UVRAG: variants seen among roughly 807,000 people sequenced by gnomAD.
UVRAG encodes the protein UV radiation resistance-associated gene protein.
In UVRAG, 19 loss-of-function variants were observed where a neutral mutation model predicts 78.0. The ratio of observed to expected loss-of-function variants is 0.24; its 90% CI spans 0.17 to 0.36. The LOEUF is 0.36. Among genes scored for constraint, UVRAG ranks in the 10% least tolerant of loss-of-function variants. The pLI, the probability that UVRAG is intolerant of heterozygous loss-of-function variation, is 1.00. For synonymous variants in UVRAG, 323 were observed against 324.6 expected, an observed-to-expected ratio of 1.00 and a Z score of 0.05; for missense variants, 740 against 853.8, an observed-to-expected ratio of 0.87 and a Z score of 1.66.
chr11:75,975,362 T>C (rs967644061), intron 7 of UVRAG, among the ~76,000 whole-genome samples: 2 of 152,180 alleles, frequency 1.3e-5, no homozygotes, highest in Non-Finnish European at 2.9e-5. Flanking sequence ...CTTTTTTGGT[T>C]CCATATGAAC....
intron 5 of UVRAG, among the ~76,000 whole-genome samples, chr11:75,890,961 TG>T (rs1382503561): frequency 6.6e-6 from 1 of 152,158 alleles, no homozygotes; most frequent in Non-Finnish European, 1.5e-5. Context: ...TTTGTCTTTT[TG>T]CTTGTTTTTT....
At chr11:75,948,269 T>C (rs529369206) in intron 6 of UVRAG, among the ~76,000 whole-genome samples, 1 of 152,282 alleles carries the variant, frequency 6.6e-6, no homozygotes, top group African/African-American at 2.4e-5. Flanking sequence ...AGGACGCTAT[T>C]GAAATCTGTG....
At chr11:76,025,529 A>G (rs531788794) in intron 12 of UVRAG, among the ~76,000 whole-genome samples, 117 of 152,258 alleles carry the variant, frequency 7.7e-4, no homozygotes, top group African/African-American at 2.7e-3. Flanking sequence ...ATACTTTTAT[A>G]AATCTCTAAA....
intron 5 of UVRAG, among the ~76,000 whole-genome samples, chr11:75,889,433 G>C (rs910106858): frequency 5.9e-5 from 9 of 152,188 alleles, no homozygotes; most frequent in Non-Finnish European, 8.8e-5. Flanking sequence ...AACCAATGTG[G>C]TTTGTTTTGT....
chr11:76,029,245 A>T (rs1309979652), intron 12 of UVRAG, among the ~76,000 whole-genome samples: 1 of 152,200 alleles, frequency 6.6e-6, no homozygotes, highest in East Asian at 1.9e-4. Flanking sequence ...ATTACTGTTC[A>T]TTGAAAACAC....
At chr11:75,928,070 C>T (rs1948152583) in intron 6 of UVRAG, among the ~76,000 whole-genome samples, 1 of 151,950 alleles carries the variant, frequency 6.6e-6, no homozygotes, top group Non-Finnish European at 1.5e-5. Flanking sequence ...CCACTACACT[C>T]TAGTCTGGCC....
chr11:75,987,424 T>A (rs906685960), intron 8 of UVRAG, among the ~76,000 whole-genome samples: 9 of 152,186 alleles, frequency 5.9e-5, no homozygotes, highest in African/African-American at 1.7e-4. Flanking sequence ...CTAATAATTG[T>A]TAGATTGTTT....
intron 13 of UVRAG, among the ~76,000 whole-genome samples, chr11:76,078,392 A>T (rs571123627): frequency 2.6e-5 from 4 of 152,116 alleles, no homozygotes; most frequent in Admixed American, 6.5e-5. Flanking sequence ...GGATAGACCC[A>T]TATCATAATT....
chr11:75,844,604 G>A (rs989479551), intron 1 of UVRAG, among the ~76,000 whole-genome samples: 1 of 151,922 alleles, frequency 6.6e-6, no homozygotes, highest in Non-Finnish European at 1.5e-5. Flanking sequence ...CTGGTTTACA[G>A]TCATACTAAT....
chr11:76,009,369 T>TGTAATG (rs1181652810), intron 11 of UVRAG, among the ~76,000 whole-genome samples: 2 of 152,194 alleles, frequency 1.3e-5, no homozygotes, highest in African/African-American at 2.4e-5. Context: ...AGAAATTACA[T>TGTAATG]TAAAGGTATT....
Position 75,928,109 on chromosome 11 carries a change from G to GA in UVRAG, c.593+16080dup, listed in dbSNP as rs374451058. The stretch of plus-strand genomic sequence containing the variant: ...AAAGCTGAGACCCCATCTCTAAAAA[G>GA]AAAAAAAAAATGCCTTTGGTGTGGA... On this transcript the variant is annotated intron_variant, in intron 6 of 14. Coordinates refer to ENST00000356136, the MANE Select transcript of UVRAG (RefSeq NM_003369.4). Among the ~76,000 whole-genome samples the GA allele has an allele frequency of 6.2e-3, 919 of 147,750 alleles. 10 individuals are homozygous for GA. The highest frequency in any genetic ancestry group is 0.02 in the African/African-American group (813 of 40,336).
chr11:75,959,503 A>C (rs1269224281), intron 6 of UVRAG, among the ~76,000 whole-genome samples: 1 of 152,174 alleles, frequency 6.6e-6, no homozygotes, highest in East Asian at 1.9e-4. Context: ...TCAGCCTTCA[A>C]AGATTTGAAG....
At chr11:76,103,157 G>A (rs544716834) in intron 13 of UVRAG, among the ~76,000 whole-genome samples, 7 of 152,208 alleles carry the variant, frequency 4.6e-5, no homozygotes, top group African/African-American at 1.7e-4. Flanking sequence ...TCTGTCTTCT[G>A]CTGCCAGCCA....
intron 5 of UVRAG, among the ~76,000 whole-genome samples, chr11:75,894,259 A>C (rs1271834087): frequency 6.6e-6 from 1 of 152,090 alleles, no homozygotes; most frequent in Non-Finnish European, 1.5e-5. Flanking sequence ...GGAAAAAGTG[A>C]GGGTAAAAGT....
intron 7 of UVRAG, among the ~76,000 whole-genome samples, chr11:75,970,753 T>A (rs931482066): frequency 2.1e-5 from 3 of 144,812 alleles, no homozygotes; most frequent in South Asian, 2.2e-4. Context: ...AAAAAAAAAA[T>A]TAGGCAGAAA....
At chr11:76,094,604 G>C (rs552241855) in intron 13 of UVRAG, among the ~76,000 whole-genome samples, 1 of 151,930 alleles carries the variant, frequency 6.6e-6, no homozygotes, top group South Asian at 2.1e-4. Flanking sequence ...GTATGTGTCC[G>C]GGAATTTATC....
At chr11:75,873,011 T>C (rs1210203391) in intron 3 of UVRAG, among the ~76,000 whole-genome samples, 1 of 152,084 alleles carries the variant, frequency 6.6e-6, no homozygotes, top group East Asian at 1.9e-4. Flanking sequence ...AAAAAATCAG[T>C]GATGGTGATG....
chr11:75,878,222 G>GAT (rs1946850942), intron 3 of UVRAG, among the ~76,000 whole-genome samples: 1 of 151,870 alleles, frequency 6.6e-6, no homozygotes, highest in African/African-American at 2.4e-5. Context: ...CATCCCAGAC[G>GAT]GGGCGGCGGG....
Position 76,053,042 on chromosome 11 carries a change from AC to A in UVRAG, c.1227-12667del, listed in dbSNP as rs1381187468. On this transcript the variant is annotated intron_variant, in intron 12 of 14. Coordinates refer to ENST00000356136, the MANE Select transcript of UVRAG (RefSeq NM_003369.4). ...AATATATAGCCAGGCACTGTGGCTCACGCCTGTAATCCCAGCACTTTGGGAG... is the reference window on the plus strand; with the variant it reads ...AATATATAGCCAGGCACTGTGGCTCAGCCTGTAATCCCAGCACTTTGGGAG... Among the ~76,000 whole-genome samples the A allele has an allele frequency of 2.0e-5, 3 of 151,126 alleles. 1 individual carries two copies. Among genetic ancestry groups the A allele is most frequent in the Admixed American group, 2.0e-4 (3 of 15,150 alleles).
Sources: gnomAD v4.1 joint callset for allele counts (sites outside exome capture counted in the v4.1 genomes callset) on GRCh38, gnomAD v4.1.1 for gene constraint, MANE v1.5 for transcripts, NCBI Gene and HGNC (gene_info 2026-07-23, HGNC 2026-07-21) for gene names.